The following ZNF536 variants were observed in gnomAD, a reference collection of about 807,000 sequenced individuals.
ZNF536 encodes the protein zinc finger protein 536.
ZNF536 carries 13 observed loss-of-function variants against 84.5 expected under a neutral mutation model. The ratio of observed to expected loss-of-function variants is 0.15; its 90% confidence interval spans 0.10 to 0.24. The LOEUF (loss-of-function observed/expected upper bound fraction) is 0.24, where lower values mean the gene tolerates loss of function less well. ZNF536 is among the 10% of genes least tolerant of loss of function. The pLI, the probability that ZNF536 is intolerant of heterozygous loss-of-function variation, is 1.00. For synonymous variants in ZNF536, 811 were observed against 742.5 expected, an observed-to-expected ratio of 1.09 and a Z score of -1.50; for missense variants, 1,536 against 1,747.5, an observed-to-expected ratio of 0.88 and a Z score of 2.16.
intron 2 of ZNF536, among the ~76,000 whole-genome samples, chr19:30,314,246 A>G (rs73018835): frequency 0.012 from 1,846 of 152,238 alleles, 30 homozygotes; most frequent in Non-Finnish European, 0.021. Context: ...CAGGTGCACC[A>G]TGGTGTCCCT....
chr19:30,713,303 T>C (rs1351153560), exon 2 of ZNF536: 1 of 152,200 alleles, frequency 6.6e-6, no homozygotes, highest in Non-Finnish European at 1.5e-5. Flanking sequence ...TTTTTCCCTG[T>C]AACTTCTGTA....
Position 30,535,019 on chromosome 19 carries a change from C to T in ZNF536, c.2323+20C>T. ...ACACAGGTGAGAAGTCTGAGTGCAT[C>T]CAGGGGCACAGCCCAGAGAAGGAGG... On this transcript the variant is annotated intron_variant, in intron 3 of 4. Coordinates refer to ENST00000355537, the MANE Select transcript of ZNF536 (RefSeq NM_014717.3). 5.0e-6 allele frequency: 8 copies of T among 1,601,140 alleles called. No homozygotes were observed. Among genetic ancestry groups the T allele is most frequent in the Non-Finnish European group, 6.8e-6 (8 of 1,172,518 alleles).
At chr19:30,426,055 A>G (rs776638591) in intron 1 of ZNF536, among the ~76,000 whole-genome samples, 2 of 152,098 alleles carry the variant, frequency 1.3e-5, no homozygotes, top group Non-Finnish European at 2.9e-5. Flanking sequence ...GCACACCCCA[A>G]CTGGGCATGA....
Position 30,516,281 on chromosome 19 carries a change from C to T in ZNF536, c.2171-18566C>T, listed in dbSNP as rs57651500. Among the ~76,000 whole-genome samples the T allele has an allele frequency of 5.1e-3, 779 of 152,280 alleles. 3 individuals are homozygous for T. The highest frequency in any genetic ancestry group is 0.018 in the African/African-American group (728 of 41,550). ...CCCAGGTGCCTCCTTTGCCGTCCTC[C>T]GTCCTCCTGGGCAGCTTCTCCCTGC... On this transcript the variant is annotated intron_variant, in intron 2 of 4. Transcript: ENST00000355537.
At chr19:30,713,031 A>G (rs2052500311) in exon 2 of ZNF536, 1 of 151,990 alleles carries the variant, frequency 6.6e-6, no homozygotes, top group South Asian at 2.1e-4. Context: ...GCACTTTGGG[A>G]GCTCTTTCAG....
At chr19:30,466,984 G>A (rs62103384) in intron 2 of ZNF536, among the ~76,000 whole-genome samples, 15,804 of 152,106 alleles carry the variant, frequency 0.1, 1,029 homozygotes, top group South Asian at 0.19. Flanking sequence ...GGGATTACAG[G>A]TGCCCACCGC....
rs547680846 is a variant in ZNF536 at position 30,443,062 on chromosome 19, C to A, written c.-2-499C>A. Among the ~76,000 whole-genome samples the A allele has an allele frequency of 2.3e-5, 3 of 132,650 alleles. No homozygotes were observed. The South Asian group carries it at 7.2e-4, about 32-fold the overall frequency. The allele number at this position is 132,650 out of a possible 152,430, so 87.0% of individuals were successfully genotyped here. On this transcript the variant is annotated intron_variant, in intron 1 of 4. Coordinates refer to ENST00000355537, the MANE Select transcript of ZNF536 (RefSeq NM_014717.3). ...TTGTTTGTTTTTTTTTTTTTTTTGG[C>A]CAAATCATAAAATGATCTCTTTCAT...
chr19:30,472,137 T>G (rs2053662953), intron 2 of ZNF536, among the ~76,000 whole-genome samples: 1 of 151,720 alleles, frequency 6.6e-6, no homozygotes, highest in African/African-American at 2.4e-5. Flanking sequence ...GGGAGAAGAG[T>G]GTACAGCTGC....
At chr19:30,451,174 A>G (rs1295431918) in intron 2 of ZNF536, among the ~76,000 whole-genome samples, 1 of 152,244 alleles carries the variant, frequency 6.6e-6, no homozygotes, top group African/African-American at 2.4e-5. Context: ...GATGGGGCAC[A>G]GGGTCAGAGG....
chr19:30,526,451 G>T (rs988273080), intron 2 of ZNF536, among the ~76,000 whole-genome samples: 1 of 125,178 alleles, frequency 8.0e-6, no homozygotes, highest in Non-Finnish European at 2.0e-5. Flanking sequence ...GGGGCCGGGC[G>T]CGGTGGCTCA....
chr19:30,273,418 AT>A (rs1174254392), intron 1 of ZNF536, among the ~76,000 whole-genome samples: 1 of 152,130 alleles, frequency 6.6e-6, no homozygotes, highest in African/African-American at 2.4e-5. Context: ...AGTGTTTTGA[AT>A]TTTAGCTGTT....
intron 1 of ZNF536, among the ~76,000 whole-genome samples, chr19:30,441,193 T>G (rs772713008): frequency 8.5e-5 from 13 of 152,232 alleles, no homozygotes; most frequent in Non-Finnish European, 1.8e-4. Context: ...CCTGGATTCA[T>G]GTCTTCTGAG....
rs769939047 is a variant in ZNF536, at chr19:30,445,045, G to A, written c.1483G>A (p.Val495Met). 3.1e-5 allele frequency: 50 copies of A among 1,613,286 alleles called. No homozygotes were observed. The highest frequency in any genetic ancestry group is 4.1e-5 in the Non-Finnish European group (48 of 1,179,978). ...CTCCCTCCTGGGATGCCTCAATCTC[G>A]TGCCGCCGCTGAAATCCAGCTGCAT... The part of the protein sequence containing the change: ...KHSLLGCLNL[V>M]PPLKSSCIER... Residue 495 changes from valine (V) to methionine (M), a missense_variant, in exon 2 of 5, where the codon GTG (valine) becomes ATG (methionine). Val to Met is a conservative substitution (Grantham distance 21). This residue lies in a region of ZNF536 where 366 missense variants were observed against 364.4 expected (regional missense o/e 1.00). Coordinates refer to ENST00000355537, the MANE Select transcript of ZNF536 (RefSeq NM_014717.3). This position sits in a 1 kb window ranked among gnomAD's most constrained non-coding sequence, Gnocchi z 4.5.
At chr19:30,394,560 C>T (rs1290192438) in intron 1 of ZNF536, among the ~76,000 whole-genome samples, 2 of 152,176 alleles carry the variant, frequency 1.3e-5, no homozygotes, top group Non-Finnish European at 2.9e-5. Flanking sequence ...AGCGTCCCTT[C>T]CCCATTCTAT....
intron 2 of ZNF536, among the ~76,000 whole-genome samples, chr19:30,338,457 T>C (rs1420251115): frequency 6.6e-6 from 1 of 150,522 alleles, no homozygotes; most frequent in Non-Finnish European, 1.5e-5. Context: ...AATGATGATA[T>C]GGTGATGATG....
At chr19:30,546,178 ATG>A (rs1293158254) in intron 3 of ZNF536, among the ~76,000 whole-genome samples, 1 of 152,200 alleles carries the variant, frequency 6.6e-6, no homozygotes, top group African/African-American at 2.4e-5. Context: ...CTGCGATGGG[ATG>A]TCTACATAGC....
At chr19:30,298,296 T>C (rs769110886) in intron 2 of ZNF536, among the ~76,000 whole-genome samples, 1 of 152,188 alleles carries the variant, frequency 6.6e-6, no homozygotes, top group Non-Finnish European at 1.5e-5. Flanking sequence ...ATACTCTGAC[T>C]CAAGACCCTT....
chr19:30,654,367 G>T (rs930716483), intron 1 of ZNF536, among the ~76,000 whole-genome samples: 16 of 151,972 alleles, frequency 1.1e-4, no homozygotes, highest in Non-Finnish European at 2.1e-4. Context: ...TTCCCACTTG[G>T]CCCTCTTCAC....
At chr19:30,514,449 G>T (rs2055549514) in intron 2 of ZNF536, among the ~76,000 whole-genome samples, 1 of 151,958 alleles carries the variant, frequency 6.6e-6, no homozygotes, top group South Asian at 2.1e-4. Flanking sequence ...CCTGCAGGGG[G>T]GTCAAAGAGA....
Sources: gnomAD v4.1 joint callset for allele counts (sites outside exome capture counted in the v4.1 genomes callset) on GRCh38, gnomAD v4.1.1 for gene constraint, gnomAD v4.1.1 regional missense constraint, Gnocchi (gnomAD v3.1) non-coding constraint, MANE v1.5 for transcripts, NCBI Gene and HGNC (gene_info 2026-07-23, HGNC 2026-07-21) for gene names.